The following DNAH14 variants were observed in gnomAD, a reference collection of about 807,000 sequenced individuals.
DNAH14 encodes dynein axonemal heavy chain 14, also known as axonemal beta dynein heavy chain 14.
Under a neutral mutation model 520.9 loss-of-function variants are expected in DNAH14, and 478 were observed. That is an observed-to-expected ratio of 0.92 (90% CI 0.85 to 0.99). The LOEUF (loss-of-function observed/expected upper bound fraction) is 0.99, where lower values mean the gene tolerates loss of function less well. DNAH14 is among the 50% of genes least tolerant of loss of function. DNAH14 has a pLI of 0.00. For missense variants in DNAH14, 4,831 were observed against 5,234.5 expected (o/e 0.92, Z 2.38); for synonymous variants, 1,581 against 1,757.2 (o/e 0.90, Z 2.51).
At chr1:225,235,652 G>A (rs1009286320) in intron 42 of DNAH14, among the ~76,000 whole-genome samples, 2 of 152,132 alleles carry the variant, frequency 1.3e-5, no homozygotes, top group African/African-American at 4.8e-5. Flanking sequence ...GAATTCAGCT[G>A]TGAATCTGCC....
At chr1:225,341,159 C>A (rs1285621997) in intron 69 of DNAH14, among the ~76,000 whole-genome samples, 1 of 151,936 alleles carries the variant, frequency 6.6e-6, no homozygotes, top group African/African-American at 2.4e-5. Flanking sequence ...GTCTGGAGTG[C>A]AGTGGCGCAA....
intron 12 of DNAH14, among the ~76,000 whole-genome samples, chr1:225,042,381 A>G (rs1407350461): frequency 1.3e-5 from 2 of 152,196 alleles, no homozygotes; most frequent in East Asian, 3.8e-4. Context: ...TAGTATATGT[A>G]TATTAAAGTG....
intron 60 of DNAH14, among the ~76,000 whole-genome samples, chr1:225,311,571 T>A (rs1005106570): frequency 6.6e-6 from 1 of 152,240 alleles, no homozygotes; most frequent in Non-Finnish European, 1.5e-5. Flanking sequence ...TCTAGGGTTT[T>A]TATGGTTTGG....
intron 17 of DNAH14, among the ~76,000 whole-genome samples, chr1:225,058,285 C>G (rs970107841): frequency 4.6e-5 from 7 of 152,114 alleles, no homozygotes; most frequent in African/African-American, 1.2e-4. Context: ...AGGAATTTAT[C>G]CATTTCTTCT....
chr1:225,266,524 C>A, intron 48 of DNAH14, 117 bp from the exon 49 acceptor site: 1 of 645,220 alleles, frequency 1.5e-6, no homozygotes, highest in Non-Finnish European at 2.3e-6. Context: ...TGATTTTGTG[C>A]TTACTCCATA....
At chr1:225,257,692 C>T (rs2092788037) in intron 44 of DNAH14, among the ~76,000 whole-genome samples, 1 of 151,852 alleles carries the variant, frequency 6.6e-6, no homozygotes, top group Admixed American at 6.6e-5. Flanking sequence ...TCTGCCACCA[C>T]ACCCGGCTAA....
In DNAH14 at chr1:225,337,291, T is replaced by C; in HGVS notation, c.10106T>C (p.Leu3369Pro). 6.4e-7 allele frequency: 1 copy of C among 1,552,030 alleles called. No individual in the cohort carries two copies. The stretch of plus-strand genomic sequence containing the variant: ...ATCAGCCGATGGCATAATCAGGGAC[T>C]GCCTCATGGTCAGTATTCAGTAGAG... The part of the protein sequence containing the change: ...YEISRWHNQG[L>P]PHGQYSVENA... Residue 3369 changes from leucine to proline, a missense_variant, in exon 67 of 86, where the codon CTG becomes CCG. By Grantham distance (98) the Leu-to-Pro change is moderately conservative. Coordinates refer to ENST00000682510, the MANE Select transcript of DNAH14 (RefSeq NM_001367479.1).
rs532186550 is a variant in DNAH14 at position 224,976,072 on chromosome 1, T to G, written c.830+1919T>G. Among the ~76,000 whole-genome samples, 1,061 of 152,086 alleles carry G rather than the reference T, an allele frequency of 7.0e-3. 6 individuals are homozygous for G. Among genetic ancestry groups the G allele is most frequent in the Middle Eastern group, 0.014 (4 of 294 alleles). ...TCTTAATCCTGAGTTCTAGTTTGAT[T>G]GCACTGTGGTCTGAGAGACAGTTTG... is the stretch of plus-strand genomic sequence containing the variant. On this transcript the variant is annotated intron_variant, in intron 8 of 85. Coordinates refer to ENST00000682510, the MANE Select transcript of DNAH14 (RefSeq NM_001367479.1).
At chr1:225,134,371 A>G (rs542543167) in intron 27 of DNAH14, among the ~76,000 whole-genome samples, 3 of 152,304 alleles carry the variant, frequency 2.0e-5, no homozygotes, top group East Asian at 3.9e-4. Context: ...TTTGTCATAT[A>G]TAACTCTTAT....
At position 225,369,003 on chromosome 1, in the gene DNAH14, G is replaced by A. The variant is rs538525452; in HGVS notation, c.12318+971G>A. ...CAAAAGGCAGATAATATATTAGGGG[G>A]AAATATTTGAACCATATATTAGACA... On this transcript the variant is annotated intron_variant, in intron 77 of 85. Transcript: ENST00000682510. Among the ~76,000 whole-genome samples, 3 of 152,174 alleles carry A rather than the reference G, an allele frequency of 2.0e-5. No individual in the cohort carries two copies. The South Asian group carries it at 6.2e-4, about 32-fold the overall frequency.
chr1:225,390,896 G>C (rs776474448), intron 83 of DNAH14, among the ~76,000 whole-genome samples: 16 of 151,974 alleles, frequency 1.1e-4, no homozygotes, highest in Non-Finnish European at 1.5e-5. Context: ...AAAGTTGAGA[G>C]TCTCATCCAA....
chr1:224,968,382 T>C (rs2061319475), intron 6 of DNAH14, among the ~76,000 whole-genome samples: 1 of 152,126 alleles, frequency 6.6e-6, no homozygotes, highest in South Asian at 2.1e-4. Flanking sequence ...GGTGGTGAGA[T>C]TATAAGATTA....
chr1:225,286,798 C>A (rs1246289887), intron 54 of DNAH14, among the ~76,000 whole-genome samples: 2 of 152,144 alleles, frequency 1.3e-5, no homozygotes, highest in African/African-American at 4.8e-5. Context: ...CAACTTTATT[C>A]ATAATCACCA....
chr1:225,065,341 T>G (rs1407194709), intron 17 of DNAH14, among the ~76,000 whole-genome samples: 1 of 151,924 alleles, frequency 6.6e-6, no homozygotes, highest in Non-Finnish European at 1.5e-5. Flanking sequence ...ATACTTATCA[T>G]TTTTATGATA....
At chr1:225,226,954 A>G (rs2090596518) in intron 41 of DNAH14, among the ~76,000 whole-genome samples, 1 of 152,146 alleles carries the variant, frequency 6.6e-6, no homozygotes, top group African/African-American at 2.4e-5. Context: ...GACTTTACAC[A>G]AACATCTCAA....
chr1:225,298,841 T>C (rs1293957485), intron 55 of DNAH14, among the ~76,000 whole-genome samples: 2 of 152,190 alleles, frequency 1.3e-5, no homozygotes, highest in East Asian at 1.9e-4. Flanking sequence ...GTATAATGAC[T>C]GTAGGTGTTT....
intron 74 of DNAH14, among the ~76,000 whole-genome samples, chr1:225,360,424 G>A (rs6693582): frequency 0.049 from 7,521 of 152,192 alleles, 604 homozygotes; most frequent in African/African-American, 0.17. Context: ...CAGCTACAGA[G>A]GAGGAAAGGA....
intron 9 of DNAH14, among the ~76,000 whole-genome samples, chr1:225,004,554 A>G (rs1227732625): frequency 2.0e-5 from 3 of 152,226 alleles, no homozygotes; most frequent in Non-Finnish European, 4.4e-5. Flanking sequence ...TGTCAGGCCA[A>G]GAATAACACA....
chr1:225,124,896 C>CA (rs2148902992), intron 27 of DNAH14, among the ~76,000 whole-genome samples: 1 of 150,172 alleles, frequency 6.7e-6, no homozygotes, highest in East Asian at 2.0e-4. Context: ...CCTTGAAAGT[C>CA]AAAAGTACTC....
Sources: allele counts gnomAD v4.1 joint callset (sites outside exome capture counted in the v4.1 genomes callset), GRCh38; gene constraint gnomAD v4.1.1; transcripts MANE v1.5; gene names NCBI Gene and HGNC (gene_info 2026-07-23, HGNC 2026-07-21).